The following GLIS3 variants were observed in gnomAD, a reference collection of about 807,000 sequenced individuals.
GLIS3 encodes the protein GLIS family zinc finger 3.
A neutral mutation model predicts 78.6 loss-of-function variants in GLIS3; 53 were observed. That is an observed-to-expected ratio of 0.67 (90% CI 0.54 to 0.85). The LOEUF (loss-of-function observed/expected upper bound fraction) is 0.85. Ranked by LOEUF, GLIS3 falls within the 40% of genes least tolerant of loss-of-function variation. The pLI is 0.00. For synonymous variants in GLIS3, 684 were observed against 509.9 expected (o/e 1.34, Z -4.60); for missense variants, 1,703 against 1,231.1 (o/e 1.38, Z -5.74).
At chr9:3,904,760 T>G (rs1823546070) in intron 6 of GLIS3, among the ~76,000 whole-genome samples, 1 of 152,206 alleles carries the variant, frequency 6.6e-6, no homozygotes, top group Non-Finnish European at 1.5e-5. Flanking sequence ...GAGTACATAC[T>G]ATTGTGACTT....
At chr9:4,454,132 G>C in the GLIS3 span, among the ~76,000 whole-genome samples, 1 of 138,522 alleles carries the variant, frequency 7.2e-6, no homozygotes, top group Non-Finnish European at 1.5e-5. Flanking sequence ...GATGAGTTTT[G>C]ACAAATGTAT....
chr9:4,298,254 G>A (rs1816768696), intron 1 of GLIS3: 1 of 321,990 alleles, frequency 3.1e-6, no homozygotes, highest in Non-Finnish European at 6.2e-6. Flanking sequence ...CCGGCCCCCC[G>A]GTCCCCGCCG....
chr9:3,872,779 G>C (rs776422923), intron 8 of GLIS3, among the ~76,000 whole-genome samples: 7 of 152,124 alleles, frequency 4.6e-5, no homozygotes, highest in Middle Eastern at 3.2e-3. Context: ...AGCAAAAGCA[G>C]TGCTAAAAGG....
chr9:4,199,662 T>A (rs1400915727), intron 2 of GLIS3, among the ~76,000 whole-genome samples: 1 of 151,896 alleles, frequency 6.6e-6, no homozygotes, highest in East Asian at 1.9e-4. Context: ...ATAAAACAAG[T>A]ACTTCTAGAC....
At chr9:3,973,438 G>T (rs1053351001) in intron 4 of GLIS3, among the ~76,000 whole-genome samples, 2 of 152,110 alleles carry the variant, frequency 1.3e-5, no homozygotes, top group African/African-American at 4.8e-5. Context: ...GGTGTGGCTG[G>T]TCCAACCTAA....
chr9:4,338,465 G>C (rs1296306285), intron 2 of GLIS3, among the ~76,000 whole-genome samples: 1 of 151,878 alleles, frequency 6.6e-6, no homozygotes, highest in Non-Finnish European at 1.5e-5. Flanking sequence ...ATTCAGCTCA[G>C]GACTGGTATT....
chr9:4,340,773 G>A (rs1394278895), intron 2 of GLIS3, among the ~76,000 whole-genome samples: 8 of 152,104 alleles, frequency 5.3e-5, no homozygotes, highest in Non-Finnish European at 1.2e-4. Context: ...TCAACTCACT[G>A]AACCTCCGCC....
At chr9:4,138,949 G>C (rs1833607669) in intron 2 of GLIS3, among the ~76,000 whole-genome samples, 1 of 152,172 alleles carries the variant, frequency 6.6e-6, no homozygotes, top group Non-Finnish European at 1.5e-5. Context: ...GGAGCAAGAA[G>C]ATAACAGTCT....
intron 4 of GLIS3, among the ~76,000 whole-genome samples, chr9:4,002,693 C>T (rs368381639): frequency 2.0e-5 from 3 of 152,166 alleles, no homozygotes; most frequent in African/African-American, 4.8e-5. Flanking sequence ...ACTTTCCAAT[C>T]CCTCCTAGCA....
Position 3,869,372 on chromosome 9 carries a change from G to A in GLIS3, c.2297+10055C>T, listed in dbSNP as rs1049157730. On this transcript the variant is annotated intron_variant, in intron 8 of 10. Transcript: ENST00000381971. ...GAGAGGAAAGAACAGCAAAGCAACA[G>A]GCTTAGTTTTTAGTTGTTCAGACGC... 3.3e-5 allele frequency among the ~76,000 whole-genome samples: 5 copies of A among 152,126 alleles called. 1 individual carries two copies. The highest frequency in any genetic ancestry group is 2.1e-4 in the South Asian group (1 of 4,834).
chr9:3,965,193 C>CTTTTTTTTTTTTTT (rs34951383), intron 4 of GLIS3, among the ~76,000 whole-genome samples: 19 of 100,140 alleles, frequency 1.9e-4, no homozygotes, highest in South Asian at 3.3e-4. Context: ...CTTTTCTTTT[C>CTTTTTTTTTTTTTT]TTTTTTTTTT....
At chr9:4,425,451 T>C in the GLIS3 span, among the ~76,000 whole-genome samples, 3 of 152,278 alleles carry the variant, frequency 2.0e-5, no homozygotes, top group East Asian at 3.9e-4. Context: ...CCTCAGCTGG[T>C]ATTGGGAATG....
chr9:4,416,252 T>TTTAAAAAAAAAA, the GLIS3 span, among the ~76,000 whole-genome samples: 2 of 75,840 alleles, frequency 2.6e-5, no homozygotes, highest in Non-Finnish European at 2.4e-5. Flanking sequence ...ACACTGTTTT[T>TTTAAAAAAAAAA]AAAAAAAAAA....
At chr9:4,391,509 T>C in the GLIS3 span, among the ~76,000 whole-genome samples, 1 of 152,004 alleles carries the variant, frequency 6.6e-6, no homozygotes, top group Non-Finnish European at 1.5e-5. Flanking sequence ...CAGGTTCAAG[T>C]AGTTTCTTCC....
chr9:4,238,616 G>C (rs931683577), intron 2 of GLIS3, among the ~76,000 whole-genome samples: 1 of 152,208 alleles, frequency 6.6e-6, no homozygotes, highest in Non-Finnish European at 1.5e-5. Context: ...AGTTTTGCCA[G>C]TGTTCTCTCA....
At chr9:4,421,118 G>A in the GLIS3 span, among the ~76,000 whole-genome samples, 10 of 152,212 alleles carry the variant, frequency 6.6e-5, no homozygotes, top group African/African-American at 2.4e-4. Context: ...GTCAGTGACT[G>A]CTGACTTGTA....
Position 3,856,177 on chromosome 9 carries a change from G to A in GLIS3, c.2305C>T (p.Pro769Ser). Residue 769 changes from proline (P) to serine (S), a missense_variant, in exon 9 of 11, where the codon CCT becomes TCT. Coordinates refer to ENST00000381971, the MANE Select transcript of GLIS3 (RefSeq NM_001042413.2). ...AVDAGAERFA[P>S]SAPSPHHISP... ...ATGTGGTGAGGAGATGGAGCAGAAG[G>A]TGCAAACCTGAGAAAACAATTATAA... 6 of 1,613,776 alleles carry A rather than the reference G, an allele frequency of 3.7e-6. No homozygotes were observed. Among genetic ancestry groups the A allele is most frequent in the Non-Finnish European group, 5.1e-6 (6 of 1,179,862 alleles).
At chr9:4,407,871 A>G in the GLIS3 span, among the ~76,000 whole-genome samples, 2 of 152,168 alleles carry the variant, frequency 1.3e-5, no homozygotes, top group African/African-American at 4.8e-5. Flanking sequence ...CCCATTTGAC[A>G]AAGTGTTAAT....
At chr9:3,968,602 G>GT (rs1321345771) in intron 4 of GLIS3, among the ~76,000 whole-genome samples, 1 of 151,832 alleles carries the variant, frequency 6.6e-6, no homozygotes, top group Non-Finnish European at 1.5e-5. Flanking sequence ...CATAGGTAAG[G>GT]TTTTTTTCAC....
Sources: allele counts gnomAD v4.1 joint callset (sites outside exome capture counted in the v4.1 genomes callset), GRCh38; gene constraint gnomAD v4.1.1; transcripts MANE v1.5; gene names NCBI Gene and HGNC (gene_info 2026-07-23, HGNC 2026-07-21).